Variants in AKAP6 observed in about 807,000 individuals in gnomAD.
AKAP6 encodes the protein A-kinase anchoring protein 6.
In AKAP6, 58 loss-of-function variants were observed where a neutral mutation model predicts 188.5. That is an observed-to-expected ratio of 0.31 (90% CI 0.25 to 0.38). The LOEUF is 0.38. Among genes scored for constraint, AKAP6 ranks in the 10% least tolerant of loss-of-function variants. AKAP6 has a pLI of 1.00. For missense variants in AKAP6, 2,710 were observed against 2,740.0 expected, an observed-to-expected ratio of 0.99 and a Z score of 0.24; for synonymous variants, 989 against 998.6, an observed-to-expected ratio of 0.99 and a Z score of 0.18.
intron 12 of AKAP6, among the ~76,000 whole-genome samples, chr14:32,777,105 G>A (rs947890679): frequency 2.0e-5 from 3 of 152,098 alleles, no homozygotes; most frequent in Non-Finnish European, 4.4e-5. Flanking sequence ...CCTTAGTAAT[G>A]GGGCAAACTT....
chr14:32,454,720 T>TCCCTCC lies in AKAP6; in HGVS notation c.324+20904_324+20905insCCTCCC, dbSNP rs1891076189. Among the ~76,000 whole-genome samples, 6 of 5,326 alleles carry TCCCTCC rather than the reference T, an allele frequency of 1.1e-3. 1 individual carries two copies. Among genetic ancestry groups the TCCCTCC allele is most frequent in the Non-Finnish European group, 1.3e-3 (4 of 3,164 alleles). The allele number at this position is 5,326 out of a possible 152,430, so 3.5% of individuals were successfully genotyped here. On this transcript the variant is annotated intron_variant, in intron 2 of 13. Transcript: ENST00000280979. ...CCCTCCCTCCCTCCTTCCCTCCTTC[T>TCCCTCC]CTCCTTCCCTCCTTCCCTCCCTCCC...
At chr14:32,689,796 ATACTT>A (rs1276378118) in intron 8 of AKAP6, among the ~76,000 whole-genome samples, 1 of 152,130 alleles carries the variant, frequency 6.6e-6, no homozygotes, top group Non-Finnish European at 1.5e-5. Flanking sequence ...CTTCAGTAAA[ATACTT>A]AAACTATATT....
chr14:32,611,057 G>T (rs1158959802), intron 7 of AKAP6, among the ~76,000 whole-genome samples: 1 of 152,118 alleles, frequency 6.6e-6, no homozygotes, highest in African/African-American at 2.4e-5. Flanking sequence ...GGCAGGCCGA[G>T]GCAAAGCAGT....
rs949764597 is a variant in AKAP6, at chr14:32,568,233, C to G, written c.2347-8887C>G. Among the ~76,000 whole-genome samples the G allele has an allele frequency of 1.3e-5, 2 of 152,110 alleles. No homozygotes were observed. Among genetic ancestry groups the G allele is most frequent in the Non-Finnish European group, 2.9e-5 (2 of 68,006 alleles). ...CTCTATGGACTTTGTGGGAACAAAT[C>G]TGGTTAGAGAGAGAATATAGCACAG... On this transcript the variant is annotated intron_variant, in intron 4 of 13. Coordinates refer to ENST00000280979, the MANE Select transcript of AKAP6 (RefSeq NM_004274.5). The surrounding 1 kb of genome is among the most constrained non-coding windows in gnomAD (Gnocchi z 6.2).
At chr14:32,720,106 C>T (rs1045008882) in intron 9 of AKAP6, among the ~76,000 whole-genome samples, 1 of 152,126 alleles carries the variant, frequency 6.6e-6, no homozygotes, top group African/African-American at 2.4e-5. Flanking sequence ...ATAAATTCTC[C>T]TTTGATTGTA....
At chr14:32,645,419 T>A (rs1328156034) in intron 7 of AKAP6, among the ~76,000 whole-genome samples, 4 of 152,212 alleles carry the variant, frequency 2.6e-5, no homozygotes, top group Non-Finnish European at 4.4e-5. Context: ...ACTGGGCTCC[T>A]CTTGTCATTT....
chr14:32,600,830 C>T, intron 7 of AKAP6, 38 bp downstream of exon 7: 1 of 1,559,906 alleles, frequency 6.4e-7, no homozygotes, highest in Non-Finnish European at 8.7e-7. Flanking sequence ...CCTCTTATTT[C>T]TGTCTTCTTT....
At chr14:32,828,523 TCTCTCTCACACACACA>T (rs373691858) in intron 13 of AKAP6, among the ~76,000 whole-genome samples, 139 of 31,382 alleles carry the variant, frequency 4.4e-3, no homozygotes, top group South Asian at 0.012. Flanking sequence ...TCTCTCTCTC[TCTCTCTCACACACACA>T]CACACACACA....
Position 32,837,330 on chromosome 14 carries a change from C to T in AKAP6, c.*7525C>T, listed in dbSNP as rs537270186. The T allele has an allele frequency of 2.0e-5, 3 of 152,268 alleles. No homozygotes were observed. Among genetic ancestry groups the T allele is most frequent in the Non-Finnish European group, 4.4e-5 (3 of 68,016 alleles). The allele number at this position is 152,268 out of a possible 1,614,324, so 9.4% of individuals were successfully genotyped here. ...ACCTAACCTGCCATTTTAAAAGACA[C>T]CTAACTCTATAAACAAATGGGCCAT... On this transcript the variant is annotated 3_prime_UTR_variant, in exon 14 of 14. Transcript: ENST00000280979.
intron 2 of AKAP6, among the ~76,000 whole-genome samples, chr14:32,436,583 T>A (rs1489812632): frequency 6.6e-6 from 1 of 152,196 alleles, no homozygotes; most frequent in Non-Finnish European, 1.5e-5. Flanking sequence ...CTAACTAATC[T>A]TGCTGCTTCT....
chr14:32,507,482 T>C (rs1450410006), intron 2 of AKAP6, among the ~76,000 whole-genome samples: 1 of 152,070 alleles, frequency 6.6e-6, no homozygotes, highest in Non-Finnish European at 1.5e-5. Context: ...GTAGTTGTGC[T>C]TATTAAGTGG....
intron 13 of AKAP6, among the ~76,000 whole-genome samples, chr14:32,828,799 C>G (rs1566743876): frequency 6.6e-6 from 1 of 152,152 alleles, no homozygotes; most frequent in Non-Finnish European, 1.5e-5. Context: ...TTTTACTATA[C>G]CAAATTTCAT....
At chr14:32,464,542 A>G (rs1878277361) in intron 2 of AKAP6, among the ~76,000 whole-genome samples, 1 of 152,220 alleles carries the variant, frequency 6.6e-6, no homozygotes, top group African/African-American at 2.4e-5. Flanking sequence ...ATAAAATTCA[A>G]CATCCCTTCA....
intron 11 of AKAP6, among the ~76,000 whole-genome samples, chr14:32,741,018 C>CAA (rs1555358136): frequency 2.2e-5 from 3 of 136,750 alleles, no homozygotes; most frequent in Non-Finnish European, 4.8e-5. Flanking sequence ...TTCCTTTTTT[C>CAA]TTTTTTTTTT....
intron 11 of AKAP6, among the ~76,000 whole-genome samples, chr14:32,757,250 T>G (rs927330270): frequency 6.6e-6 from 1 of 152,226 alleles, no homozygotes; most frequent in South Asian, 2.1e-4. Flanking sequence ...TATGTTTGTG[T>G]ATGAATAGTT....
intron 2 of AKAP6, among the ~76,000 whole-genome samples, chr14:32,485,568 G>C (rs1268954959): frequency 6.6e-6 from 1 of 152,194 alleles, no homozygotes; most frequent in Admixed American, 6.5e-5. Context: ...GACCAGTGAT[G>C]ATGAGCTTTT....
chr14:32,647,559 AG>A (rs1268296183), intron 7 of AKAP6, among the ~76,000 whole-genome samples: 2 of 152,102 alleles, frequency 1.3e-5, no homozygotes, highest in Non-Finnish European at 2.9e-5. Flanking sequence ...TCAGCTTTTA[AG>A]TGCAGCTGTC....
chr14:32,686,371 C>T (rs533190201), intron 8 of AKAP6, among the ~76,000 whole-genome samples: 58 of 152,078 alleles, frequency 3.8e-4, no homozygotes, highest in African/African-American at 1.0e-3. Flanking sequence ...TAAGACCTAG[C>T]GCTTGATAGC....
At chr14:32,639,500 G>A (rs1887664720) in intron 7 of AKAP6, among the ~76,000 whole-genome samples, 1 of 152,034 alleles carries the variant, frequency 6.6e-6, no homozygotes, top group Non-Finnish European at 1.5e-5. Flanking sequence ...AGTTGTCAAG[G>A]GTTCATTGAG....
Sources: allele counts gnomAD v4.1 joint callset (sites outside exome capture counted in the v4.1 genomes callset), GRCh38; gene constraint gnomAD v4.1.1; non-coding constraint Gnocchi (gnomAD v3.1); transcripts MANE v1.5; gene names NCBI Gene and HGNC (gene_info 2026-07-23, HGNC 2026-07-21).